FLAD1: variants seen among roughly 807,000 people sequenced by gnomAD.
FLAD1 encodes the protein flavin adenine dinucleotide synthetase 1, also known as bifunctional FAD diphosphatase/FAD synthase.
FLAD1 carries 35 observed loss-of-function variants against 55.0 expected under a neutral mutation model. That is an observed-to-expected ratio of 0.64 (90% CI 0.49 to 0.84). The LOEUF (loss-of-function observed/expected upper bound fraction) is 0.84, where lower values mean the gene tolerates loss of function less well. Among genes scored for constraint, FLAD1 ranks in the 40% least tolerant of loss-of-function variants. The pLI, the probability that FLAD1 is intolerant of heterozygous loss-of-function variation, is 0.00. For missense variants in FLAD1, 665 were observed against 742.6 expected (o/e 0.90, Z 1.21); for synonymous variants, 267 against 303.0 (o/e 0.88, Z 1.23).
At chr1:154,992,270 C>T (rs1176775689) in intron 5 of FLAD1, among the ~76,000 whole-genome samples, 7 of 151,762 alleles carry the variant, frequency 4.6e-5, no homozygotes, top group Admixed American at 2.6e-4. Context: ...AGTGAAATCC[C>T]GTCTCTACTA....
At chr1:154,988,929 G>T (rs1196348088) in intron 2 of FLAD1, 80 bp downstream of exon 2, 2 of 1,584,788 alleles carry the variant, frequency 1.3e-6, no homozygotes, top group African/African-American at 2.7e-5. Context: ...GGGGCTGTTG[G>T]GTGCTTCCTG....
In FLAD1 at chr1:154,993,096, C is replaced by A; in HGVS notation, c.*59C>A. The A allele has an allele frequency of 6.6e-7, 1 of 1,522,290 alleles. No homozygotes were observed. The highest frequency in any genetic ancestry group is 1.1e-5 in the South Asian group (1 of 88,676). 94.3% of individuals were successfully genotyped at this position (1,522,290 alleles called of 1,614,324 possible). On this transcript the variant is annotated 3_prime_UTR_variant, in exon 7 of 7. Coordinates refer to ENST00000292180, the MANE Select transcript of FLAD1 (RefSeq NM_025207.5). ...CCTAGGGTATAACCTGGCAATAAAC[C>A]GTGCCTCTCACTGTGCCTGTTGCTC...
At chr1:154,986,100 G>T (rs575358847) in intron 1 of FLAD1, among the ~76,000 whole-genome samples, 64 of 151,176 alleles carry the variant, frequency 4.2e-4, no homozygotes, top group South Asian at 2.7e-3. Context: ...CGCAAATGGC[G>T]CAATCTCAGC....
intron 5 of FLAD1, chr1:154,991,253 T>TAC (rs1332506872): frequency 2.9e-5 from 4 of 137,810 alleles, no homozygotes; most frequent in African/African-American, 1.1e-4. Flanking sequence ...TATATATATA[T>TAC]ATACACACAC....
intron 5 of FLAD1, among the ~76,000 whole-genome samples, chr1:154,992,335 C>G (rs559581377): frequency 6.6e-6 from 1 of 151,206 alleles, no homozygotes; most frequent in East Asian, 2.0e-4. Flanking sequence ...GCCAGCTACT[C>G]GGGAGGCTGA....
intron 1 of FLAD1, among the ~76,000 whole-genome samples, chr1:154,986,704 C>CATT (rs1657626991): frequency 4.4e-5 from 4 of 91,718 alleles, no homozygotes; most frequent in Non-Finnish European, 8.3e-5. Flanking sequence ...GCCCCCCACC[C>CATT]TTTTTTTTTT....
In FLAD1 at chr1:154,988,821, T is replaced by A. The variant is rs1657737987; in HGVS notation, c.1089T>A (p.Ser363Arg). 1 of 1,614,174 alleles carries A rather than the reference T, an allele frequency of 6.2e-7. No individual in the cohort carries two copies. Among genetic ancestry groups the A allele is most frequent in the East Asian group, 2.2e-5 (1 of 44,884 alleles). Residue 363 changes from serine (S) to arginine (R), a missense_variant, in exon 2 of 7, where the codon AGT (serine) becomes AGA (arginine). Transcript: ENST00000292180. ...TGCCCAACGCTGTGGAGCAGGCCAG[T>A]GAGGCTGTATACAAACTCGCTGAAT... ...PYMPNAVEQA[S>R]EAVYKLAESG...
intron 1 of FLAD1, among the ~76,000 whole-genome samples, chr1:154,985,241 T>G (rs1657527046): frequency 6.6e-6 from 1 of 150,456 alleles, no homozygotes; most frequent in Non-Finnish European, 1.5e-5. Context: ...TTTTTTTGTT[T>G]TTTTTTTTTA....
chr1:154,987,963 C>T, intron 1 of FLAD1, 142 bp from the exon 2 acceptor site: 1 of 1,531,954 alleles, frequency 6.5e-7, no homozygotes, highest in Non-Finnish European at 8.7e-7. Context: ...CTCTTGTGTC[C>T]AGTCCAGGCC....
intron 5 of FLAD1, among the ~76,000 whole-genome samples, chr1:154,992,378 G>A (rs1008780711): frequency 3.4e-4 from 51 of 151,884 alleles, no homozygotes; most frequent in Non-Finnish European, 5.1e-4. Context: ...GGGAGGCAGA[G>A]GTTGCAGTGA....
chr1:154,990,753 C>G, intron 5 of FLAD1: 1 of 450,654 alleles, frequency 2.2e-6, no homozygotes. Context: ...AGAATAGTGA[C>G]TTAGACTTGT....
In FLAD1 at chr1:154,983,848, T is replaced by A; in HGVS notation, c.154T>A (p.Ser52Thr). 1 of 1,614,162 alleles carries A rather than the reference T, an allele frequency of 6.2e-7. No homozygotes were observed. Among genetic ancestry groups the A allele is most frequent in the Non-Finnish European group, 8.5e-7 (1 of 1,180,018 alleles). The change falls in exon 1 of 7, where the codon TCG becomes ACG. Residue 52 changes from serine to threonine, a missense_variant. Physicochemically the swap from Ser to Thr is moderately conservative, Grantham distance 58 (BLOSUM62 1). Coordinates refer to ENST00000292180, the MANE Select transcript of FLAD1 (RefSeq NM_025207.5). ...HCLFWLLQVP[S>T]TQDPLFPGYG... ...TCTTTTCTGGCTTCTCCAGGTTCCC[T>A]CGACCCAGGACCCCCTGTTCCCAGG...
chr1:154,986,558 C>T (rs1405663049), intron 1 of FLAD1, among the ~76,000 whole-genome samples: 6 of 152,054 alleles, frequency 3.9e-5, no homozygotes, highest in Admixed American at 6.5e-5. Context: ...TTTTTTTCTT[C>T]TTTAAAATTT....
At chr1:154,987,603 G>A (rs1468272424) in intron 1 of FLAD1, 2 of 177,896 alleles carry the variant, frequency 1.1e-5, no homozygotes, top group East Asian at 1.7e-4. Context: ...TTGTCCAGGT[G>A]AAAGGTGCTA....
chr1:154,987,886 T>G, intron 1 of FLAD1: 1 of 1,388,866 alleles, frequency 7.2e-7, no homozygotes, highest in Non-Finnish European at 9.4e-7. Flanking sequence ...GAACTGTGAC[T>G]GAGCCACTAT....
In FLAD1 at chr1:154,989,006, G is replaced by A. The variant is rs373934914; in HGVS notation, c.1117+157G>A. 7 of 1,468,636 alleles carry A rather than the reference G, an allele frequency of 4.8e-6. No homozygotes were observed. In the East Asian group the frequency reaches 7.4e-5, roughly 16 times the overall value. 91.0% of individuals were successfully genotyped at this position (1,468,636 alleles called of 1,614,324 possible). ...TATTCTTCCAATAAATGTTGATTGA[G>A]TACCTATTTTCATCAGCACTGTGCT... On this transcript the variant is annotated intron_variant, in intron 2 of 6. Coordinates refer to ENST00000292180, the MANE Select transcript of FLAD1 (RefSeq NM_025207.5).
intron 5 of FLAD1, 77 bp downstream of exon 5, chr1:154,990,605 T>G: frequency 3.6e-6 from 5 of 1,389,958 alleles, no homozygotes; most frequent in Non-Finnish European, 4.8e-6. Context: ...CCTGCAGTAG[T>G]GGGGAGGCTA....
Position 154,993,016 on chromosome 1 carries a change from G to A in FLAD1, c.1743G>A (p.Glu581=). The change falls in exon 7 of 7, where the codon GAG becomes GAA. Residue 581 remains glutamate, a synonymous_variant. Coordinates refer to ENST00000292180, the MANE Select transcript of FLAD1 (RefSeq NM_025207.5). ...CCTATCTACTGGAGAACGAAGAAGA[G>A]GAGCGGAACTCCCGCACATGACCTC... ...RPAYLLENEE[E]ERNSRT The A allele has an allele frequency of 5.0e-6, 8 of 1,614,060 alleles. No individual in the cohort carries two copies. Among genetic ancestry groups the A allele is most frequent in the Non-Finnish European group, 6.8e-6 (8 of 1,179,982 alleles).
rs1657459868 is a variant in FLAD1, at chr1:154,984,185, T to G, written c.372+119T>G. ...TGGGAGCCTCTTTGCTGCAGTAGGA[T>G]CCTGGAGTGAATCCAGCATATTGGA... On this transcript the variant is annotated intron_variant, in intron 1 of 6. Transcript: ENST00000292180. 4 of 860,636 alleles carry G rather than the reference T, an allele frequency of 4.6e-6. No individual in the cohort carries two copies. The South Asian group carries it at 1.7e-4, about 37-fold the overall frequency. The allele number at this position is 860,636 out of a possible 1,614,324, so 53.3% of individuals were successfully genotyped here. A position where few individuals can be genotyped will look rare whatever the true frequency, so the allele number is the denominator to read the frequency against.
Sources: gnomAD v4.1 joint callset for allele counts (sites outside exome capture counted in the v4.1 genomes callset) on GRCh38, gnomAD v4.1.1 for gene constraint, MANE v1.5 for transcripts, NCBI Gene and HGNC (gene_info 2026-07-23, HGNC 2026-07-21) for gene names.